Variants in GLIS3 observed in about 807,000 individuals in gnomAD.
The protein encoded by GLIS3 is zinc finger protein GLIS3.
In GLIS3, 53 loss-of-function variants were observed where a neutral mutation model predicts 78.6. That is an observed-to-expected ratio of 0.67 (90% CI 0.54 to 0.85). The LOEUF is 0.85. GLIS3 is among the 40% of genes least tolerant of loss of function. The pLI is 0.00. For missense variants in GLIS3, 1,703 were observed against 1,231.1 expected (o/e 1.38, Z -5.74); for synonymous variants, 684 against 509.9 (o/e 1.34, Z -4.60).
At chr9:4,110,077 A>G (rs145521252) in intron 4 of GLIS3, among the ~76,000 whole-genome samples, 1 of 152,282 alleles carries the variant, frequency 6.6e-6, no homozygotes, top group Non-Finnish European at 1.5e-5. Context: ...TGTCTCATTT[A>G]TTTCTGTATC....
intron 2 of GLIS3, among the ~76,000 whole-genome samples, chr9:4,225,883 G>C (rs187701707): frequency 6.6e-6 from 1 of 152,154 alleles, no homozygotes; most frequent in Non-Finnish European, 1.5e-5. Context: ...GGGAAATGAG[G>C]AAGGAGAAGG....
chr9:3,852,288 T>C (rs936164183), intron 9 of GLIS3, among the ~76,000 whole-genome samples: 2 of 152,230 alleles, frequency 1.3e-5, no homozygotes. Flanking sequence ...AGTGATGGTA[T>C]TTCTCCCTGA....
chr9:3,856,290 C>T (rs577497702), intron 8 of GLIS3, 106 bp from the exon 9 acceptor site: 19 of 999,708 alleles, frequency 1.9e-5, no homozygotes, highest in Middle Eastern at 6.1e-4. Flanking sequence ...TATACAAGAG[C>T]GTGACAACAA....
At chr9:4,333,238 G>GGGAAGGAAAGGAAA (rs1563936341) in intron 2 of GLIS3, among the ~76,000 whole-genome samples, 20 of 145,186 alleles carry the variant, frequency 1.4e-4, no homozygotes, top group African/African-American at 5.2e-4. Context: ...AGGAAAAGTG[G>GGGAAGGAAAGGAAA]AGGGGAAGGA....
At chr9:4,251,233 C>A (rs4347036) in intron 2 of GLIS3, among the ~76,000 whole-genome samples, 2 of 152,148 alleles carry the variant, frequency 1.3e-5, no homozygotes, top group South Asian at 4.1e-4. Flanking sequence ...ACTATTATTT[C>A]GGACTCTACG....
chr9:4,281,136 T>C (rs918255266), intron 2 of GLIS3, among the ~76,000 whole-genome samples: 2 of 152,214 alleles, frequency 1.3e-5, no homozygotes, highest in Non-Finnish European at 2.9e-5. Context: ...TTTATTTCAT[T>C]CTTAAACAAC....
At chr9:3,993,151 A>G (rs1444724526) in intron 4 of GLIS3, among the ~76,000 whole-genome samples, 1 of 152,172 alleles carries the variant, frequency 6.6e-6, no homozygotes, top group Non-Finnish European at 1.5e-5. Flanking sequence ...ATGGCCAGTC[A>G]ACAGTGTCAT....
the GLIS3 span, among the ~76,000 whole-genome samples, chr9:4,471,325 T>C: frequency 6.6e-6 from 1 of 152,322 alleles, no homozygotes; most frequent in East Asian, 1.9e-4. Flanking sequence ...AGAACAAAGC[T>C]GGAGGCATCA....
the GLIS3 span, among the ~76,000 whole-genome samples, chr9:4,366,927 C>T: frequency 6.7e-6 from 1 of 150,322 alleles, no homozygotes; most frequent in South Asian, 2.1e-4. Context: ...CTCTTGTGGT[C>T]GAGCACAATG....
At chr9:4,436,835 A>AG in the GLIS3 span, among the ~76,000 whole-genome samples, 951 of 147,630 alleles carry the variant, frequency 6.4e-3, 5 homozygotes, top group Non-Finnish European at 0.012. Context: ...AAAAAAAAAA[A>AG]AGAGATAGAA....
At chr9:3,908,618 A>G (rs922982371) in intron 6 of GLIS3, among the ~76,000 whole-genome samples, 1 of 151,872 alleles carries the variant, frequency 6.6e-6, no homozygotes, top group Non-Finnish European at 1.5e-5. Context: ...AGGTTACTGC[A>G]TGCCGAAATT....
chr9:4,035,823 G>A, intron 4 of GLIS3: 1 of 152,386 alleles, frequency 6.6e-6, no homozygotes, highest in Non-Finnish European at 1.5e-5. Flanking sequence ...TCAAATGCAA[G>A]CCCACGACAC....
intron 4 of GLIS3, among the ~76,000 whole-genome samples, chr9:4,032,207 G>T (rs1023263348): frequency 2.0e-5 from 3 of 152,158 alleles, no homozygotes; most frequent in African/African-American, 7.2e-5. Flanking sequence ...CTACACACAG[G>T]AGGAGGTTTC....
At chr9:4,228,327 G>A (rs1268942897) in intron 2 of GLIS3, among the ~76,000 whole-genome samples, 3 of 152,094 alleles carry the variant, frequency 2.0e-5, no homozygotes, top group African/African-American at 2.4e-5. Context: ...TATAGGGGAG[G>A]AGTCGGGGCT....
chr9:4,420,205 G>A, the GLIS3 span, among the ~76,000 whole-genome samples: 1 of 152,170 alleles, frequency 6.6e-6, no homozygotes, highest in Non-Finnish European at 1.5e-5. Flanking sequence ...TCACTGAAGA[G>A]GGGGCCACAT....
intron 4 of GLIS3, among the ~76,000 whole-genome samples, chr9:3,998,557 T>A (rs902945126): frequency 7.2e-5 from 11 of 151,842 alleles, no homozygotes; most frequent in Admixed American, 7.2e-4. Flanking sequence ...AGTTTAAGAT[T>A]TCTTTGCAGA....
chr9:4,207,018 C>T (rs1044494480), intron 2 of GLIS3, among the ~76,000 whole-genome samples: 2 of 152,190 alleles, frequency 1.3e-5, no homozygotes, highest in Non-Finnish European at 2.9e-5. Flanking sequence ...TGGAAGCCAA[C>T]AAAGACAACT....
Position 4,187,379 on chromosome 9 carries a change from T to C in GLIS3, c.389-61438A>G, listed in dbSNP as rs1432287519. ...TCTCTCTGTTTTGGTACCAGTACCA[T>C]GCTGTTTTGGTTACTGTAGCCTTGT... On this transcript the variant is annotated intron_variant, in intron 2 of 10. Coordinates refer to ENST00000381971, the MANE Select transcript of GLIS3 (RefSeq NM_001042413.2). Among the ~76,000 whole-genome samples the C allele has an allele frequency of 4.6e-5, 7 of 152,356 alleles. No individual in the cohort carries two copies. The South Asian group carries it at 8.3e-4, about 18-fold the overall frequency.
chr9:4,177,576 G>A (rs1261958609), intron 2 of GLIS3, among the ~76,000 whole-genome samples: 3 of 152,154 alleles, frequency 2.0e-5, no homozygotes, highest in African/African-American at 4.8e-5. Context: ...GAACCCTAGA[G>A]TTTCAAATAA....
Sources: allele counts gnomAD v4.1 joint callset (sites outside exome capture counted in the v4.1 genomes callset), GRCh38; gene constraint gnomAD v4.1.1; transcripts MANE v1.5; gene names NCBI Gene and HGNC (gene_info 2026-07-23, HGNC 2026-07-21).